Variants in XCR1 observed in about 807,000 individuals in gnomAD.
The protein encoded by XCR1 is X-C motif chemokine receptor 1, also known as chemokine XC receptor 1.
For synonymous variants in XCR1, 187 were observed against 188.5 expected, an observed-to-expected ratio of 0.99 and a Z score of 0.06; for missense variants, 356 against 424.2, an observed-to-expected ratio of 0.84 and a Z score of 1.41.
intron 1 of XCR1, among the ~76,000 whole-genome samples, chr3:46,025,930 A>G (rs1478027522): frequency 1.3e-5 from 2 of 152,228 alleles, no homozygotes; most frequent in Admixed American, 6.5e-5. Flanking sequence ...TTAACGAAAT[A>G]TTGGCAGATC....
At chr3:46,032,066 A>G (rs896989555), upstream of XCR1, among the ~76,000 whole-genome samples, 1 of 152,206 alleles carries the variant, frequency 6.6e-6, no homozygotes, top group African/African-American at 2.4e-5. Flanking sequence ...TTCATGCTGC[A>G]CTTCTCTGCA....
chr3:46,067,720 T>A (rs1432005796), intron 3 of XCR1, among the ~76,000 whole-genome samples: 1 of 152,200 alleles, frequency 6.6e-6, no homozygotes, highest in Non-Finnish European at 1.5e-5. Flanking sequence ...AACTGTCACA[T>A]GGAGATTTAG....
chr3:46,034,932 T>C (rs1045479268), intron 5 of XCR1, among the ~76,000 whole-genome samples: 2 of 152,204 alleles, frequency 1.3e-5, no homozygotes, highest in Non-Finnish European at 2.9e-5. Flanking sequence ...TCATCATGAT[T>C]GCCTCCTTGC....
chr3:46,073,831 A>G (rs562270186), intron 3 of XCR1, among the ~76,000 whole-genome samples: 1 of 152,290 alleles, frequency 6.6e-6, no homozygotes, highest in East Asian at 1.9e-4. Context: ...AAAAATGCTC[A>G]TTATTACAAA....
intron 4 of XCR1, among the ~76,000 whole-genome samples, chr3:46,060,212 A>T (rs908130400): frequency 6.6e-6 from 1 of 152,162 alleles, no homozygotes; most frequent in African/African-American, 2.4e-5. Flanking sequence ...ACTACCCATG[A>T]CTTATTCCTT....
At chr3:46,058,093 A>G (rs1390829766) in intron 4 of XCR1, among the ~76,000 whole-genome samples, 1 of 152,182 alleles carries the variant, frequency 6.6e-6, no homozygotes, top group Non-Finnish European at 1.5e-5. Flanking sequence ...GTGGTTCTAA[A>G]AGAACAAAAT....
upstream of XCR1, among the ~76,000 whole-genome samples, chr3:46,031,872 C>T (rs995219187): frequency 2.0e-5 from 3 of 152,170 alleles, no homozygotes; most frequent in Non-Finnish European, 2.9e-5. Flanking sequence ...ACTCTAGGGC[C>T]TCCTCTCTGC....
intron 5 of XCR1, among the ~76,000 whole-genome samples, chr3:46,042,846 C>T (rs778427911): frequency 6.6e-6 from 1 of 152,110 alleles, no homozygotes; most frequent in Non-Finnish European, 1.5e-5. Flanking sequence ...TACTGTGATA[C>T]CAAAGCCAAA....
At chr3:46,085,469 T>C (rs956321298) in intron 1 of XCR1, among the ~76,000 whole-genome samples, 2 of 152,232 alleles carry the variant, frequency 1.3e-5, no homozygotes, top group Non-Finnish European at 2.9e-5. Flanking sequence ...GTGGTCCAAG[T>C]ATTTTTTTCT....
chr3:46,023,933 A>T, intron 1 of XCR1: 1 of 1,481,862 alleles, frequency 6.7e-7, no homozygotes, highest in Non-Finnish European at 9.4e-7. Flanking sequence ...GTAGAAAAGG[A>T]GCTGGATGTA....
At chr3:46,074,763 G>T (rs139527157) in intron 2 of XCR1, among the ~76,000 whole-genome samples, 1 of 152,246 alleles carries the variant, frequency 6.6e-6, no homozygotes, top group East Asian at 1.9e-4. Flanking sequence ...TGTTTCAGGG[G>T]TGGCAAAGGT....
intron 4 of XCR1, among the ~76,000 whole-genome samples, chr3:46,061,969 G>A (rs1406659263): frequency 6.6e-6 from 1 of 152,128 alleles, no homozygotes; most frequent in Non-Finnish European, 1.5e-5. Flanking sequence ...TCCATCCCCG[G>A]AACCCCTAAG....
intron 5 of XCR1, among the ~76,000 whole-genome samples, chr3:46,035,788 A>G (rs993518666): frequency 3.3e-5 from 5 of 152,168 alleles, no homozygotes; most frequent in Admixed American, 3.3e-4. Flanking sequence ...CCCAACTGAC[A>G]GTGAGGGAAG....
rs920595052 is a variant in XCR1, at chr3:46,017,579, C to G, written c.*3367G>C. 6.6e-6 allele frequency: 1 copy of G among 152,248 alleles called. No homozygotes were observed. The highest frequency in any genetic ancestry group is 1.5e-5 in the Non-Finnish European group (1 of 68,078). The allele number at this position is 152,248 out of a possible 1,614,324, so 9.4% of individuals were successfully genotyped here. A position where few individuals can be genotyped will look rare whatever the true frequency, so the allele number is the denominator to read the frequency against. On this transcript the variant is annotated 3_prime_UTR_variant, in exon 2 of 2. Transcript: ENST00000309285. ...AACCAACCACAAACATTGCCAGGCA[C>G]TGAGGGAGATGGTAGGAACTGGGTT...
intron 5 of XCR1, among the ~76,000 whole-genome samples, chr3:46,037,286 A>C (rs1479635256): frequency 1.3e-5 from 2 of 152,162 alleles, no homozygotes; most frequent in African/African-American, 4.8e-5. Flanking sequence ...ATGGACTTGA[A>C]AATGTTATTT....
chr3:46,069,149 A>G (rs1237990421), intron 3 of XCR1, among the ~76,000 whole-genome samples: 1 of 152,192 alleles, frequency 6.6e-6, no homozygotes, highest in Non-Finnish European at 1.5e-5. Flanking sequence ...TTACATTAAA[A>G]AAGAGAAAAT....
intron 5 of XCR1, among the ~76,000 whole-genome samples, chr3:46,051,589 T>C (rs1324884750): frequency 6.6e-6 from 1 of 152,240 alleles, no homozygotes; most frequent in Non-Finnish European, 1.5e-5. Context: ...TTGGGGTAGA[T>C]AGATTTCCCG....
intron 4 of XCR1, among the ~76,000 whole-genome samples, chr3:46,057,882 GTCTA>G (rs147836844): frequency 0.22 from 30,035 of 134,380 alleles, 3,305 homozygotes; most frequent in Non-Finnish European, 0.26. Flanking sequence ...TTATCTGTCT[GTCTA>G]TCTATCTATC....
At chr3:46,072,433 T>G (rs948422414) in intron 3 of XCR1, among the ~76,000 whole-genome samples, 8 of 152,132 alleles carry the variant, frequency 5.3e-5, no homozygotes, top group Non-Finnish European at 1.0e-4. Flanking sequence ...GGTGGGAAGA[T>G]TGCTTGAGTC....
Sources: allele counts gnomAD v4.1 joint callset (sites outside exome capture counted in the v4.1 genomes callset), GRCh38; gene constraint gnomAD v4.1.1; transcripts MANE v1.5; gene names NCBI Gene and HGNC (gene_info 2026-07-23, HGNC 2026-07-21).